The following ROR1 variants were observed in gnomAD, a reference collection of about 807,000 sequenced individuals.
ROR1 encodes ROR family WNT receptor 1.
A neutral mutation model predicts 78.8 loss-of-function variants in ROR1; 19 were observed. That is an observed-to-expected ratio of 0.24 (90% CI 0.17 to 0.35). ROR1 has a LOEUF of 0.35. ROR1 is among the 10% of genes least tolerant of loss of function. The probability of loss-of-function intolerance (pLI) is 1.00; values close to 1 mark genes in which losing one functional copy is unlikely to be tolerated. For synonymous variants in ROR1, 386 were observed against 433.6 expected (o/e 0.89, Z 1.36); for missense variants, 917 against 1,177.8 (o/e 0.78, Z 3.24).
intron 4 of ROR1, among the ~76,000 whole-genome samples, chr1:64,065,907 C>G (rs556032574): frequency 6.6e-6 from 1 of 152,340 alleles, no homozygotes; most frequent in South Asian, 2.1e-4. Context: ...TTCAGGCCAG[C>G]TGGGATCACC....
At chr1:63,957,411 C>A (rs1392216814) in intron 1 of ROR1, among the ~76,000 whole-genome samples, 2 of 152,154 alleles carry the variant, frequency 1.3e-5, no homozygotes, top group African/African-American at 4.8e-5. Flanking sequence ...ATTTCATTCC[C>A]ATGTGGGAGA....
At chr1:64,138,922 G>A (rs191743029) in intron 5 of ROR1, among the ~76,000 whole-genome samples, 1 of 152,128 alleles carries the variant, frequency 6.6e-6, no homozygotes, top group African/African-American at 2.4e-5. Flanking sequence ...CAGCACTTTG[G>A]GAAGCTGAGG....
intron 1 of ROR1, among the ~76,000 whole-genome samples, chr1:63,876,673 T>TGTGTGC (rs761202000): frequency 7.2e-6 from 1 of 138,018 alleles, no homozygotes; most frequent in African/African-American, 2.8e-5. Flanking sequence ...TGTGTGTGTG[T>TGTGTGC]GTGTGTGTGC....
chr1:63,901,186 T>A (rs1445966640), intron 1 of ROR1, among the ~76,000 whole-genome samples: 1 of 152,182 alleles, frequency 6.6e-6, no homozygotes, highest in African/African-American at 2.4e-5. Flanking sequence ...ACATGGTGCA[T>A]GAGAACAGGG....
At chr1:64,110,125 CTT>C (rs1422066081) in intron 4 of ROR1, among the ~76,000 whole-genome samples, 1 of 152,150 alleles carries the variant, frequency 6.6e-6, no homozygotes, top group Non-Finnish European at 1.5e-5. Context: ...GAACATAACT[CTT>C]AATCAAATAT....
chr1:63,834,549 T>C (rs1170109941), intron 1 of ROR1, among the ~76,000 whole-genome samples: 1 of 152,264 alleles, frequency 6.6e-6, no homozygotes, highest in Non-Finnish European at 1.5e-5. Flanking sequence ...GTTCTGATGC[T>C]TTGACAATTA....
intron 4 of ROR1, among the ~76,000 whole-genome samples, chr1:64,107,249 A>G (rs2100666201): frequency 6.6e-6 from 1 of 152,264 alleles, no homozygotes; most frequent in Admixed American, 6.5e-5. Context: ...AGGCACTGAG[A>G]GGTTGTGTAA....
At chr1:63,984,125 G>A (rs1401610371) in intron 1 of ROR1, among the ~76,000 whole-genome samples, 1 of 152,078 alleles carries the variant, frequency 6.6e-6, no homozygotes, top group African/African-American at 2.4e-5. Flanking sequence ...TAATCTATGT[G>A]GAATTACCTA....
chr1:64,058,308 G>A (rs77570926), intron 4 of ROR1, among the ~76,000 whole-genome samples: 6,797 of 151,782 alleles, frequency 0.045, 519 homozygotes, highest in African/African-American at 0.16. Context: ...TTCAATTTGG[G>A]TGCCATTTAC....
intron 1 of ROR1, among the ~76,000 whole-genome samples, chr1:63,830,522 C>T (rs976111585): frequency 5.3e-5 from 8 of 152,102 alleles, no homozygotes; most frequent in African/African-American, 1.9e-4. Flanking sequence ...ACCATCAGAT[C>T]TTGTTGGTTT....
At chr1:63,807,377 T>C (rs896237822) in intron 1 of ROR1, among the ~76,000 whole-genome samples, 1 of 152,194 alleles carries the variant, frequency 6.6e-6, no homozygotes, top group Non-Finnish European at 1.5e-5. Context: ...TTCTGTCTGA[T>C]GAGAGAAGGG....
intron 1 of ROR1, among the ~76,000 whole-genome samples, chr1:63,919,694 C>T (rs986976253): frequency 1.3e-5 from 2 of 152,092 alleles, no homozygotes; most frequent in Non-Finnish European, 2.9e-5. Flanking sequence ...CTTCCAGAGC[C>T]TGTTTCTTTG....
chr1:64,109,170 G>A (rs1269983952), intron 4 of ROR1, among the ~76,000 whole-genome samples: 2 of 152,116 alleles, frequency 1.3e-5, no homozygotes, highest in Non-Finnish European at 2.9e-5. Flanking sequence ...GAGAGACATG[G>A]CATCAACTAT....
intron 4 of ROR1, among the ~76,000 whole-genome samples, chr1:64,078,765 C>T (rs1228400659): frequency 6.6e-6 from 1 of 152,084 alleles, no homozygotes; most frequent in African/African-American, 2.4e-5. Context: ...AAGATACGAT[C>T]TTAAGAGTTG....
intron 1 of ROR1, among the ~76,000 whole-genome samples, chr1:63,957,981 A>T (rs1001108824): frequency 2.0e-5 from 3 of 151,934 alleles, no homozygotes; most frequent in Admixed American, 6.6e-5. Flanking sequence ...TGATCTCATA[A>T]TCTGCCTGCC....
At chr1:63,801,404 C>T (rs1644796565) in intron 1 of ROR1, among the ~76,000 whole-genome samples, 1 of 152,082 alleles carries the variant, frequency 6.6e-6, no homozygotes, top group South Asian at 2.1e-4. Flanking sequence ...AAACAATTCT[C>T]CTGCCTCAGC....
At chr1:63,852,623 A>T (rs180758068) in intron 1 of ROR1, among the ~76,000 whole-genome samples, 2 of 152,236 alleles carry the variant, frequency 1.3e-5, no homozygotes, top group Admixed American at 1.3e-4. Flanking sequence ...AAGAGGAAGA[A>T]ACCTTTGTAG....
intron 1 of ROR1, among the ~76,000 whole-genome samples, chr1:63,995,793 A>G (rs1005496088): frequency 6.6e-6 from 1 of 152,314 alleles, no homozygotes; most frequent in South Asian, 2.1e-4. Context: ...ATGAGCTATT[A>G]TTTATTATTA....
chr1:63,827,915 A>G (rs999541808), intron 1 of ROR1, among the ~76,000 whole-genome samples: 2 of 152,206 alleles, frequency 1.3e-5, no homozygotes, highest in African/African-American at 4.8e-5. Flanking sequence ...TGTTTTTCTC[A>G]TTAGCTTCAG....
Sources: allele counts gnomAD v4.1 joint callset (sites outside exome capture counted in the v4.1 genomes callset), GRCh38; gene constraint gnomAD v4.1.1; transcripts MANE v1.5; gene names NCBI Gene and HGNC (gene_info 2026-07-23, HGNC 2026-07-21).